The following PRDM16 variants were observed in gnomAD, a reference collection of about 807,000 sequenced individuals.
PRDM16 encodes the protein PR/SET domain 16.
In PRDM16, 23 loss-of-function variants were observed where a neutral mutation model predicts 110.6. The ratio of observed to expected loss-of-function variants is 0.21; its 90% CI spans 0.15 to 0.29. The LOEUF (loss-of-function observed/expected upper bound fraction) is 0.29, where lower values mean the gene tolerates loss of function less well. Among genes scored for constraint, PRDM16 ranks in the 10% least tolerant of loss-of-function variants. The pLI is 1.00. For synonymous variants in PRDM16, 799 were observed against 781.8 expected, an observed-to-expected ratio of 1.02 and a Z score of -0.37; for missense variants, 1,615 against 1,794.3, an observed-to-expected ratio of 0.90 and a Z score of 1.81.
rs1001399873 is a variant in PRDM16 at position 3,080,090 on chromosome 1, C to T, written c.37+10794C>T. Among the ~76,000 whole-genome samples the T allele has an allele frequency of 2.0e-5, 3 of 152,312 alleles. No individual in the cohort carries two copies. The highest frequency in any genetic ancestry group is 2.1e-4 in the South Asian group (1 of 4,828). ...CAGCGATCTGGAGCACTTTTCCGCACGCTGTAACCCCTGAGAAGAAACAAA... is the reference window on the plus strand; with the variant it reads ...CAGCGATCTGGAGCACTTTTCCGCATGCTGTAACCCCTGAGAAGAAACAAA... On this transcript the variant is annotated intron_variant, in intron 1 of 16. Transcript: ENST00000270722. The surrounding 1 kb of genome is among the most constrained non-coding windows in gnomAD (Gnocchi z 5.2).
chr1:3,193,052 A>G (rs955792828), intron 2 of PRDM16, among the ~76,000 whole-genome samples: 5 of 151,730 alleles, frequency 3.3e-5, no homozygotes, highest in African/African-American at 1.2e-4. Flanking sequence ...AGTACCCAGC[A>G]GACACAGCGG....
At chr1:3,249,179 G>A (rs1310065622) in intron 3 of PRDM16, among the ~76,000 whole-genome samples, 3 of 135,952 alleles carry the variant, frequency 2.2e-5, no homozygotes, top group Non-Finnish European at 3.1e-5. Flanking sequence ...TGTTTGTATT[G>A]TTTTCCTCCT....
intron 3 of PRDM16, among the ~76,000 whole-genome samples, chr1:3,282,329 T>C (rs1454291728): frequency 1.3e-5 from 2 of 152,140 alleles, no homozygotes; most frequent in African/African-American, 2.4e-5. Flanking sequence ...TGCCTGTGTG[T>C]GGAGTGGGGG....
chr1:3,285,412 G>A (rs114882639), intron 3 of PRDM16, among the ~76,000 whole-genome samples: 198 of 152,316 alleles, frequency 1.3e-3, no homozygotes, highest in African/African-American at 4.7e-3. Flanking sequence ...TCCCTGTGAT[G>A]CTGCAAAGCA....
Position 3,087,259 on chromosome 1 carries a change from T to C in PRDM16, c.37+17963T>C, listed in dbSNP as rs141477611. Among the ~76,000 whole-genome samples the C allele has an allele frequency of 6.7e-3, 625 of 93,434 alleles. 20 individuals are homozygous for C. The highest frequency in any genetic ancestry group is 0.026 in the African/African-American group (582 of 22,730). 61.3% of individuals were successfully genotyped at this position (93,434 alleles called of 152,430 possible). A position where few individuals can be genotyped will look rare whatever the true frequency, so the allele number is the denominator to read the frequency against. ...AGCCCCACCGGAGACCAGCCCCACC[T>C]GAGACCAGCCCCACCTGAGGCCAGC... On this transcript the variant is annotated intron_variant, in intron 1 of 16. Coordinates refer to ENST00000270722, the MANE Select transcript of PRDM16 (RefSeq NM_022114.4).
In PRDM16 at chr1:3,431,982, G is replaced by A. The variant is rs763267613; in HGVS notation, c.3538G>A (p.Glu1180Lys). Residue 1180 changes from glutamate (E) to lysine (K), a missense_variant, in exon 16 of 17, where the codon GAA becomes AAA. By Grantham distance (56) the Glu-to-Lys change is moderately conservative. Around this residue, in one of 5 missense-constraint regions of PRDM16, gnomAD observed 327 missense variants for 359.3 expected, o/e 0.91. Transcript: ENST00000270722. ...TTGGTGCAGGTGTGCTGAGGACCAC[G>A]AAGGCGGTCTGTTAGCTTTGGAGCC... is the stretch of plus-strand genomic sequence containing the variant. ...DHTRRCAEDH[E>K]GGLLALEPMP... The A allele has an allele frequency of 7.4e-6, 12 of 1,613,416 alleles. No individual in the cohort carries two copies. The highest frequency in any genetic ancestry group is 4.5e-5 in the East Asian group (2 of 44,890).
At chr1:3,343,348 A>C (rs745997117) in intron 3 of PRDM16, among the ~76,000 whole-genome samples, 1 of 150,824 alleles carries the variant, frequency 6.6e-6, no homozygotes, top group African/African-American at 2.4e-5. Context: ...ATTGATTTTT[A>C]GATCTTTATG....
chr1:3,221,018 C>G (rs914904813), intron 2 of PRDM16, among the ~76,000 whole-genome samples: 1 of 152,220 alleles, frequency 6.6e-6, no homozygotes, highest in African/African-American at 2.4e-5. Context: ...TGTCTGGGAG[C>G]AGGAGTCATG....
intron 2 of PRDM16, among the ~76,000 whole-genome samples, chr1:3,193,326 C>T (rs1638364255): frequency 6.6e-6 from 1 of 152,250 alleles, no homozygotes; most frequent in Admixed American, 6.5e-5. Context: ...CAGCTCCCAC[C>T]AGTGCCAGGT....
intron 3 of PRDM16, among the ~76,000 whole-genome samples, chr1:3,365,538 C>T (rs1642793938): frequency 6.6e-6 from 1 of 152,202 alleles, no homozygotes; most frequent in African/African-American, 2.4e-5. Flanking sequence ...AGCTCTGGAC[C>T]ATGGGGTGAT....
intron 3 of PRDM16, among the ~76,000 whole-genome samples, chr1:3,249,972 T>A (rs1639888747): frequency 6.6e-6 from 1 of 152,166 alleles, no homozygotes; most frequent in Non-Finnish European, 1.5e-5. Context: ...CAGAGAGGTG[T>A]AAGGCGGCCC....
rs1638274718 is a variant in PRDM16 at position 3,190,565 on chromosome 1, C to A, written c.387+4091C>A. Among the ~76,000 whole-genome samples the A allele has an allele frequency of 6.6e-6, 1 of 152,176 alleles. No homozygotes were observed. The highest frequency in any genetic ancestry group is 1.5e-5 in the Non-Finnish European group (1 of 68,028). ...CCCCGACCTGGGGGCTCACTCTGTGCATGGCTGTGTGTGTGCCCCAGGGGT... is the reference window on the plus strand; with the variant it reads ...CCCCGACCTGGGGGCTCACTCTGTGAATGGCTGTGTGTGTGCCCCAGGGGT... On this transcript the variant is annotated intron_variant, in intron 2 of 16. Transcript: ENST00000270722. This position sits in a 1 kb window ranked among gnomAD's most constrained non-coding sequence, Gnocchi z 5.0.
rs1291326293 is a variant in PRDM16 at position 3,157,642 on chromosome 1, G to A, written c.38-28483G>A. On this transcript the variant is annotated intron_variant, in intron 1 of 16. Transcript: ENST00000270722. This position sits in a 1 kb window ranked among gnomAD's most constrained non-coding sequence, Gnocchi z 4.8. Reference sequence around the variant, plus strand: ...CGGCTCTGTTCATGGACAGTATGGTGGGGCCTGAACAGACTTCCCCAGAAA... The same window carrying A: ...CGGCTCTGTTCATGGACAGTATGGTAGGGCCTGAACAGACTTCCCCAGAAA... Among the ~76,000 whole-genome samples, 1 of 152,140 alleles carries A rather than the reference G, an allele frequency of 6.6e-6. No homozygotes were observed. Among genetic ancestry groups the A allele is most frequent in the Non-Finnish European group, 1.5e-5 (1 of 68,034 alleles).
Position 3,436,509 on chromosome 1 carries a change from G to A in PRDM16, c.*2698G>A, listed in dbSNP as rs1230406064. On this transcript the variant is annotated 3_prime_UTR_variant, in exon 17 of 17. Coordinates refer to ENST00000270722, the MANE Select transcript of PRDM16 (RefSeq NM_022114.4). ...TTCAGACCCCCAGGCCCCAGCACTT[G>A]GCGTTTTCAGGAGGCCCTGTTCTTA... The A allele has an allele frequency of 8.7e-6, 2 of 230,362 alleles. No homozygotes were observed. Among genetic ancestry groups the A allele is most frequent in the African/African-American group, 4.4e-5 (2 of 45,076 alleles). 14.3% of individuals were successfully genotyped at this position (230,362 alleles called of 1,614,324 possible).
rs1195341254 is a variant in PRDM16 at position 3,209,470 on chromosome 1, G to A, written c.387+22996G>A. ...GGTCGCGTGAATGCCTGTGTCCCCCGGGACAGCCAGGGAGGCAGGAGGCCA... is the reference window on the plus strand; with the variant it reads ...GGTCGCGTGAATGCCTGTGTCCCCCAGGACAGCCAGGGAGGCAGGAGGCCA... On this transcript the variant is annotated intron_variant, in intron 2 of 16. Coordinates refer to ENST00000270722, the MANE Select transcript of PRDM16 (RefSeq NM_022114.4). This position sits in a 1 kb window ranked among gnomAD's most constrained non-coding sequence, Gnocchi z 4.6. Among the ~76,000 whole-genome samples, 4 of 152,136 alleles carry A rather than the reference G, an allele frequency of 2.6e-5. No homozygotes were observed. The highest frequency in any genetic ancestry group is 4.4e-5 in the Non-Finnish European group (3 of 68,022).
At position 3,344,475 on chromosome 1, in the gene PRDM16, T is replaced by C. The variant is rs1193628029; in HGVS notation, c.439-40677T>C. 2.0e-5 allele frequency among the ~76,000 whole-genome samples: 3 copies of C among 152,256 alleles called. No individual in the cohort carries two copies. In the South Asian group the frequency reaches 6.2e-4, roughly 32 times the overall value. On this transcript the variant is annotated intron_variant, in intron 3 of 16. Coordinates refer to ENST00000270722, the MANE Select transcript of PRDM16 (RefSeq NM_022114.4). ...CTTTGCCTTTAAGTCTTTGGACATATTTATAAGGTATTTTTAAATCTGCTG... is the reference window on the plus strand; with the variant it reads ...CTTTGCCTTTAAGTCTTTGGACATACTTATAAGGTATTTTTAAATCTGCTG...
Position 3,293,782 on chromosome 1 carries a change from C to A in PRDM16, c.438+49645C>A, listed in dbSNP as rs374875314. On this transcript the variant is annotated intron_variant, in intron 3 of 16. Transcript: ENST00000270722. The stretch of plus-strand genomic sequence containing the variant: ...TGGTCGCCAGGGGTCCGGGAGTCGG[C>A]AGCAATGTTGTTCCATCCTTTGTCG... 2.0e-5 allele frequency among the ~76,000 whole-genome samples: 3 copies of A among 152,182 alleles called. No individual in the cohort carries two copies. The East Asian group carries it at 5.8e-4, about 29-fold the overall frequency.
intron 1 of PRDM16, among the ~76,000 whole-genome samples, chr1:3,114,176 CA>C (rs2100645888): frequency 1.0e-5 from 1 of 95,934 alleles, no homozygotes; most frequent in Non-Finnish European, 2.0e-5. Flanking sequence ...CACACACACG[CA>C]CACACACGCA....
chr1:3,215,432 T>C (rs1051885797), intron 2 of PRDM16, among the ~76,000 whole-genome samples: 13 of 108,058 alleles, frequency 1.2e-4, no homozygotes, highest in Non-Finnish European at 2.2e-4. Context: ...CCTATTGGGG[T>C]CCAGGAGAAC....
Sources: gnomAD v4.1 joint callset for allele counts (sites outside exome capture counted in the v4.1 genomes callset) on GRCh38, gnomAD v4.1.1 for gene constraint, gnomAD v4.1.1 regional missense constraint, Gnocchi (gnomAD v3.1) non-coding constraint, MANE v1.5 for transcripts, NCBI Gene and HGNC (gene_info 2026-07-23, HGNC 2026-07-21) for gene names.